Variants in AK3 observed in about 807,000 individuals in gnomAD.
The protein encoded by AK3 is GTP:AMP phosphotransferase AK3, mitochondrial.
AK3 carries 27 observed loss-of-function variants against 23.7 expected under a neutral mutation model. The observed-to-expected ratio is 1.14, with a 90% CI of 0.84 to 1.57. The LOEUF is 1.57. Ranked by LOEUF, AK3 falls within the 40% of genes most tolerant of loss-of-function variation. The pLI is 0.00. For missense variants in AK3, 406 were observed against 285.6 expected, an observed-to-expected ratio of 1.42 and a Z score of -3.04; for synonymous variants, 159 against 116.0, an observed-to-expected ratio of 1.37 and a Z score of -2.38.
upstream of AK3, chr9:4,741,363 C>T (rs1379314197): frequency 1.2e-5 from 4 of 331,264 alleles, no homozygotes; most frequent in Non-Finnish European, 1.6e-5. Flanking sequence ...GCAAGCCGCG[C>T]CCCCTCTGCG....
chr9:4,726,041 T>G lies in AK3; in HGVS notation c.152-3416A>C, dbSNP rs543027466. Among the ~76,000 whole-genome samples, 20 of 152,308 alleles carry G rather than the reference T, an allele frequency of 1.3e-4. No individual in the cohort carries two copies. The South Asian group carries it at 4.1e-3, about 32-fold the overall frequency. Reference sequence around the variant, plus strand: ...TATATTTACATTACATTGTAGTCTATTAAGTGCAATAGCATTATGTCTAAA... The same window carrying G: ...TATATTTACATTACATTGTAGTCTAGTAAGTGCAATAGCATTATGTCTAAA... On this transcript the variant is annotated intron_variant, in intron 1 of 4. Transcript: ENST00000381809.
chr9:4,719,327 A>G lies in AK3; in HGVS notation c.272-20T>C, dbSNP rs371291764. ...GAAAACCTTTATAAAGTAAAAAAGA[A>G]AAAGAAGAAGAAAAAAGAAAGGAAG... On this transcript the variant is annotated intron_variant, in intron 2 of 4. Coordinates refer to ENST00000381809, the MANE Select transcript of AK3 (RefSeq NM_016282.4). The G allele has an allele frequency of 8.3e-5, 130 of 1,565,130 alleles. No individual in the cohort carries two copies. In the East Asian group the frequency reaches 9.9e-4, roughly 12 times the overall value.
chr9:4,722,770 G>A (rs539911657), intron 1 of AK3, 145 bp from the exon 2 acceptor site: 323 of 1,285,058 alleles, frequency 2.5e-4, no homozygotes, highest in Non-Finnish European at 3.3e-4. Context: ...AAAAACAAAG[G>A]TTATGGCCGG....
chr9:4,731,791 T>A (rs10758646), intron 1 of AK3, among the ~76,000 whole-genome samples: 1 of 151,916 alleles, frequency 6.6e-6, no homozygotes, highest in Non-Finnish European at 1.5e-5. Flanking sequence ...TTGAACAACA[T>A]GGATTTGAAC....
At chr9:4,731,805 A>C (rs1042480579) in intron 1 of AK3, among the ~76,000 whole-genome samples, 1 of 152,148 alleles carries the variant, frequency 6.6e-6, no homozygotes, top group Non-Finnish European at 1.5e-5. Context: ...TTTGAACCGC[A>C]TGGGTCTACC....
chr9:4,719,022 A>G lies in AK3; in HGVS notation c.444+113T>C. On this transcript the variant is annotated intron_variant, in intron 3 of 4. Coordinates refer to ENST00000381809, the MANE Select transcript of AK3 (RefSeq NM_016282.4). ...CAACTCTACCAAGTAACCTGAGAAT[A>G]TACCCTCAGGAGTTTTGGTCAGAGG... The G allele has an allele frequency of 2.5e-6, 3 of 1,211,408 alleles. No homozygotes were observed. In the South Asian group the frequency reaches 4.3e-5, roughly 17 times the overall value. 75.0% of individuals were successfully genotyped at this position (1,211,408 alleles called of 1,614,324 possible).
chr9:4,719,369 G>A, intron 2 of AK3, 62 bp from the exon 3 acceptor site: 3 of 449,686 alleles, frequency 6.7e-6, no homozygotes, highest in Non-Finnish European at 4.0e-6. Context: ...GTGGGGGTGG[G>A]GCGGGTGGAG....
intron 4 of AK3, 72 bp downstream of exon 4, chr9:4,718,347 T>C: frequency 8.9e-7 from 1 of 1,118,468 alleles, no homozygotes; most frequent in South Asian, 1.3e-5. Context: ...ATTTCAGCTG[T>C]AGAGGAAGGA....
At chr9:4,734,940 C>T (rs909065586) in intron 1 of AK3, among the ~76,000 whole-genome samples, 2 of 152,000 alleles carry the variant, frequency 1.3e-5, no homozygotes, top group Non-Finnish European at 2.9e-5. Context: ...ATGAAATGTC[C>T]AGTACAGAAA....
chr9:4,714,609 T>A (rs931096527), intron 4 of AK3, among the ~76,000 whole-genome samples: 4 of 152,200 alleles, frequency 2.6e-5, no homozygotes, highest in African/African-American at 7.2e-5. Flanking sequence ...AGTGGGTTAA[T>A]TACTGAGGGC....
At chr9:4,718,948 G>C (rs1418114152) in intron 3 of AK3, among the ~76,000 whole-genome samples, 187 bp downstream of exon 3, 1 of 152,172 alleles carries the variant, frequency 6.6e-6, no homozygotes, top group Non-Finnish European at 1.5e-5. Context: ...ACAAACCCCT[G>C]CTGCTCCTGG....
intron 4 of AK3, among the ~76,000 whole-genome samples, chr9:4,716,658 TG>T (rs1841743375): frequency 6.6e-6 from 1 of 152,142 alleles, no homozygotes; most frequent in African/African-American, 2.4e-5. Context: ...AGGCCAGGCA[TG>T]GTGGCTCGTA....
At chr9:4,727,862 G>T (rs1177324593) in intron 1 of AK3, among the ~76,000 whole-genome samples, 2 of 152,138 alleles carry the variant, frequency 1.3e-5, no homozygotes, top group African/African-American at 4.8e-5. Flanking sequence ...AACACTTAGA[G>T]GCCACTGTAG....
intron 1 of AK3, among the ~76,000 whole-genome samples, chr9:4,740,060 C>CAAAAA (rs1166971578): frequency 1.2e-4 from 14 of 113,318 alleles, no homozygotes; most frequent in Middle Eastern, 4.5e-3. Context: ...GCTATCCTTA[C>CAAAAA]AAAAAAAAAA....
At chr9:4,720,689 CA>C (rs61644070) in intron 2 of AK3, among the ~76,000 whole-genome samples, 90 of 140,088 alleles carry the variant, frequency 6.4e-4, no homozygotes, top group South Asian at 2.5e-3. Context: ...ACACTGTCTC[CA>C]AAAAAAAAAA....
chr9:4,717,972 T>C (rs920098046), intron 4 of AK3, among the ~76,000 whole-genome samples: 6 of 152,190 alleles, frequency 3.9e-5, no homozygotes, highest in Admixed American at 6.5e-5. Context: ...CCCACCCCAA[T>C]GACTGGTTCT....
chr9:4,713,213 G>C (rs296827), intron 4 of AK3, 117 bp from the exon 5 acceptor site: 1 of 1,344,690 alleles, frequency 7.4e-7, no homozygotes, highest in African/African-American at 1.5e-5. Flanking sequence ...GGTAAGTATA[G>C]ATTTGTGTAA....
chr9:4,717,350 A>G (rs915228036), intron 4 of AK3, among the ~76,000 whole-genome samples: 4 of 152,246 alleles, frequency 2.6e-5, no homozygotes, highest in Admixed American at 2.0e-4. Context: ...ATACTCATTC[A>G]GTACGGTTCC....
At position 4,729,015 on chromosome 9, in the gene AK3, A is replaced by ATTTTT. The variant is rs375640249; in HGVS notation, c.152-6395_152-6391dup. ...CACACACACATATATATATATATAT[A>ATTTTT]TTTTTTTTTTTTGAGACGGAATTTT... On this transcript the variant is annotated intron_variant, in intron 1 of 4. Transcript: ENST00000381809. Among the ~76,000 whole-genome samples, 140 of 129,418 alleles carry ATTTTT rather than the reference A, an allele frequency of 1.1e-3. 1 individual carries two copies. Among genetic ancestry groups the ATTTTT allele is most frequent in the African/African-American group, 3.9e-3 (131 of 34,016 alleles). The allele number at this position is 129,418 out of a possible 152,430, so 84.9% of individuals were successfully genotyped here.
Sources: allele counts gnomAD v4.1 joint callset (sites outside exome capture counted in the v4.1 genomes callset), GRCh38; gene constraint gnomAD v4.1.1; transcripts MANE v1.5; gene names NCBI Gene and HGNC (gene_info 2026-07-23, HGNC 2026-07-21).